The following CPNE1 variants were observed in gnomAD, a reference collection of about 807,000 sequenced individuals.
CPNE1 encodes the protein copine 1, also known as copine-1.
A neutral mutation model predicts 63.2 loss-of-function variants in CPNE1; 58 were observed. That is an observed-to-expected ratio of 0.92 (90% CI 0.74 to 1.14). The LOEUF is 1.14. Ranked by LOEUF, CPNE1 falls within the 50% of genes most tolerant of loss-of-function variation. The pLI, the probability that CPNE1 is intolerant of heterozygous loss-of-function variation, is 0.00. For synonymous variants in CPNE1, 237 were observed against 249.0 expected (o/e 0.95, Z 0.45); for missense variants, 672 against 661.7 (o/e 1.02, Z -0.17).
At position 35,632,816 on chromosome 20, in the gene CPNE1, C is replaced by CA; in HGVS notation, c.107dup (p.Gly38ArgfsTer6). The CA allele has an allele frequency of 1.1e-6, 1 of 872,690 alleles. No individual in the cohort carries two copies. Among genetic ancestry groups the CA allele is most frequent in the Non-Finnish European group, 2.0e-6 (1 of 501,520 alleles). The allele number at this position is 872,690 out of a possible 1,614,324, so 54.1% of individuals were successfully genotyped here. On this transcript the variant is annotated frameshift_variant, in exon 2 of 16. Coordinates refer to ENST00000397443, the MANE Select transcript of CPNE1 (RefSeq NM_152925.3). LOFTEE classifies it high-confidence loss of function. Reference sequence around the variant, plus strand: ...TCACCTCAGCCCAGCTGCCCCCTCCCACATCCTGTAAAAGGACGCAGAGTG... The same window carrying CA: ...TCACCTCAGCCCAGCTGCCCCCTCCCAACATCCTGTAAAAGGACGCAGAGTG...
At chr20:35,654,825 A>G (rs779848255) in intron 1 of CPNE1, 1 of 1,614,248 alleles carries the variant, frequency 6.2e-7, no homozygotes, top group Non-Finnish European at 8.5e-7. Flanking sequence ...TTGGGCTCCC[A>G]AAGGAAGCCC....
chr20:35,642,523 T>A (rs13037217), intron 1 of CPNE1, among the ~76,000 whole-genome samples: 32 of 152,186 alleles, frequency 2.1e-4, no homozygotes, highest in Non-Finnish European at 3.5e-4. Context: ...CCATGGAACA[T>A]TGTTTCCCGT....
In CPNE1 at chr20:35,629,060, A is replaced by T. The variant is rs565975793; in HGVS notation, c.1102+1379T>A. 3.9e-5 allele frequency among the ~76,000 whole-genome samples: 6 copies of T among 152,358 alleles called. No individual in the cohort carries two copies. In the East Asian group the frequency reaches 9.6e-4, roughly 24 times the overall value. On this transcript the variant is annotated intron_variant, in intron 13 of 15. Transcript: ENST00000397443. ...CCTTGAAATGTGTGAATGTGTGTGT[A>T]TATGTATACATGTGTACACACACAC...
At chr20:35,663,559 A>T (rs762315841) in intron 1 of CPNE1, among the ~76,000 whole-genome samples, 2 of 152,118 alleles carry the variant, frequency 1.3e-5, no homozygotes, top group African/African-American at 2.4e-5. Flanking sequence ...AACTTCTTCA[A>T]TTTATATTAG....
chr20:35,663,709 G>A (rs1453944202), intron 1 of CPNE1, among the ~76,000 whole-genome samples: 1 of 152,142 alleles, frequency 6.6e-6, no homozygotes, highest in Non-Finnish European at 1.5e-5. Context: ...GAGCCCCTCA[G>A]ATTTGTCACT....
intron 1 of CPNE1, chr20:35,658,839 A>ACACAC: frequency 6.2e-6 from 4 of 646,276 alleles, no homozygotes; most frequent in South Asian, 3.4e-5. Flanking sequence ...ACACACACAC[A>ACACAC]ATATAGTTGC....
intron 1 of CPNE1, among the ~76,000 whole-genome samples, chr20:35,661,942 G>A (rs1402392232): frequency 6.6e-6 from 1 of 152,120 alleles, no homozygotes. Context: ...TAGCAACAGA[G>A]AACCAATCAC....
At chr20:35,635,255 T>A (rs536956171) in intron 1 of CPNE1, among the ~76,000 whole-genome samples, 1 of 152,258 alleles carries the variant, frequency 6.6e-6, no homozygotes, top group South Asian at 2.1e-4. Flanking sequence ...TACCCCTTTT[T>A]TGCTTTTTCT....
Position 35,627,283 on chromosome 20 carries a change from G to A in CPNE1, c.1233C>T (p.Ala411=), listed in dbSNP as rs2031817494. The change falls in exon 14 of 16, where the codon GCC becomes GCT. Residue 411 remains alanine (A), a synonymous_variant. Transcript: ENST00000397443. ...FAAQAAHQGT[A]SQYFMLLLLT... ...CACTGCCACCCACGACTCTCACCGAGGCAGTCCCCTGATGTGCAGCCTGGG... is the reference window on the plus strand; with the variant it reads ...CACTGCCACCCACGACTCTCACCGAAGCAGTCCCCTGATGTGCAGCCTGGG... 6.2e-7 allele frequency: 1 copy of A among 1,611,816 alleles called. No individual in the cohort carries two copies. The highest frequency in any genetic ancestry group is 1.3e-5 in the African/African-American group (1 of 74,498).
chr20:35,631,643 G>C (rs780240834), intron 7 of CPNE1, 45 bp downstream of exon 7: 3 of 1,607,928 alleles, frequency 1.9e-6, no homozygotes, highest in Non-Finnish European at 2.6e-6. Context: ...TCCCTCCCCA[G>C]GTTCTCTTCT....
intron 13 of CPNE1, among the ~76,000 whole-genome samples, chr20:35,629,274 T>C (rs892135101): frequency 5.3e-5 from 8 of 152,226 alleles, no homozygotes; most frequent in Admixed American, 1.3e-4. Context: ...TCTGAACTTA[T>C]GTTGAAATAC....
rs564216202 is a variant in CPNE1 at position 35,631,481 on chromosome 20, C to A, written c.714+11G>T. The A allele has an allele frequency of 6.2e-7, 1 of 1,613,482 alleles. No individual in the cohort carries two copies. The highest frequency in any genetic ancestry group is 1.7e-5 in the Admixed American group (1 of 60,004). On this transcript the variant is annotated intron_variant, in intron 8 of 15. Transcript: ENST00000397443. ...GCCCATTTCCACACCCCTGGCAAGA[C>A]CAGCACTCACCGGGACTGCCTGCAG...
At chr20:35,655,217 C>A in intron 1 of CPNE1, 2 of 1,614,108 alleles carry the variant, frequency 1.2e-6, no homozygotes, top group Non-Finnish European at 1.7e-6. Context: ...TCACCCCCTA[C>A]AATATGCACG....
intron 13 of CPNE1, among the ~76,000 whole-genome samples, chr20:35,628,847 G>T (rs1158150343): frequency 6.6e-6 from 1 of 152,200 alleles, no homozygotes; most frequent in African/African-American, 2.4e-5. Flanking sequence ...CTGTGATAAT[G>T]TAAGAAAGAG....
At chr20:35,658,217 A>G (rs2146366544) in intron 1 of CPNE1, among the ~76,000 whole-genome samples, 1 of 152,330 alleles carries the variant, frequency 6.6e-6, no homozygotes, top group South Asian at 2.1e-4. Context: ...GGTTCCATTT[A>G]AAGTCTAAAA....
intron 1 of CPNE1, among the ~76,000 whole-genome samples, chr20:35,638,194 G>T (rs567973743): frequency 6.6e-6 from 1 of 152,272 alleles, no homozygotes; most frequent in East Asian, 1.9e-4. Flanking sequence ...TGAACAAATG[G>T]TGAATGTGCT....
At chr20:35,653,507 G>A (rs577362598) in intron 1 of CPNE1, 34 of 1,614,076 alleles carry the variant, frequency 2.1e-5, no homozygotes, top group East Asian at 8.9e-5. Flanking sequence ...AGTTTTTTAC[G>A]GTGTAAGCGT....
At chr20:35,652,017 A>G (rs1388651731) in intron 1 of CPNE1, 1 of 153,012 alleles carries the variant, frequency 6.5e-6, no homozygotes, top group Non-Finnish European at 1.5e-5. Context: ...AGGTACATAC[A>G]ATGAATCTGT....
chr20:35,632,545 AG>A lies in CPNE1; in HGVS notation c.280del (p.Leu94Ter). ...TCCTAGGGAACACTCAGCACCCCCT[AG>A]GAAGTCATCATCCCTCAGCTCTGGC... Reference protein sequence around the residue: ...KTPELRDDDFLGGAECSLGQI... With the variant: ...KTPELRDDDFXGGAECSLGQI... On this transcript the variant is annotated frameshift_variant, in exon 3 of 16. Coordinates refer to ENST00000397443, the MANE Select transcript of CPNE1 (RefSeq NM_152925.3). LOFTEE classifies it high-confidence loss of function. The A allele has an allele frequency of 6.2e-7, 1 of 1,613,786 alleles. No individual in the cohort carries two copies. Among genetic ancestry groups the A allele is most frequent in the Non-Finnish European group, 8.5e-7 (1 of 1,179,800 alleles).
Sources: allele counts gnomAD v4.1 joint callset (sites outside exome capture counted in the v4.1 genomes callset), GRCh38; gene constraint gnomAD v4.1.1; transcripts MANE v1.5; gene names NCBI Gene and HGNC (gene_info 2026-07-23, HGNC 2026-07-21).